RIMS2: variants seen among roughly 807,000 people sequenced by gnomAD.
RIMS2 encodes regulating synaptic membrane exocytosis 2.
RIMS2 carries 59 observed loss-of-function variants against 174.4 expected under a neutral mutation model. The ratio of observed to expected loss-of-function variants is 0.34; its 90% CI spans 0.27 to 0.42. The LOEUF is 0.42. Ranked by LOEUF, RIMS2 falls within the 10% of genes least tolerant of loss-of-function variation. RIMS2 has a pLI of 1.00. For synonymous variants in RIMS2, 606 were observed against 572.5 expected (o/e 1.06, Z -0.84); for missense variants, 1,620 against 1,666.3 (o/e 0.97, Z 0.48).
intron 19 of RIMS2, among the ~76,000 whole-genome samples, chr8:104,135,401 C>T (rs2098510128): frequency 6.6e-6 from 1 of 151,988 alleles, no homozygotes; most frequent in South Asian, 2.1e-4. Flanking sequence ...GTAGTTAAGA[C>T]CAGCCTGGGG....
chr8:103,734,117 A>G (rs931182879), intron 2 of RIMS2, among the ~76,000 whole-genome samples: 1 of 143,400 alleles, frequency 7.0e-6, no homozygotes, highest in Non-Finnish European at 1.5e-5. Flanking sequence ...GGTTCAATCA[A>G]TTCTCCTCCC....
intron 1 of RIMS2, among the ~76,000 whole-genome samples, chr8:103,581,944 C>T (rs80281796): frequency 6.6e-6 from 1 of 152,296 alleles, no homozygotes; most frequent in Non-Finnish European, 1.5e-5. Flanking sequence ...ACTGAGACAC[C>T]ACTGGTGCAG....
intron 2 of RIMS2, among the ~76,000 whole-genome samples, chr8:103,737,690 C>A (rs757372428): frequency 6.6e-6 from 1 of 152,140 alleles, no homozygotes; most frequent in Non-Finnish European, 1.5e-5. Context: ...ACCATTCTTC[C>A]CCTCAGGTAT....
At chr8:103,806,267 A>G (rs2098649267) in intron 3 of RIMS2, among the ~76,000 whole-genome samples, 1 of 152,168 alleles carries the variant, frequency 6.6e-6, no homozygotes, top group African/African-American at 2.4e-5. Context: ...GGTTATGTTT[A>G]TCTTCAAGGC....
intron 3 of RIMS2, among the ~76,000 whole-genome samples, chr8:103,870,036 T>A (rs2154512964): frequency 6.6e-6 from 1 of 152,270 alleles, no homozygotes; most frequent in African/African-American, 2.4e-5. Flanking sequence ...CTTTGGCTGA[T>A]GTTGATATTC....
intron 19 of RIMS2, among the ~76,000 whole-genome samples, chr8:104,086,967 T>C (rs1427039158): frequency 6.6e-6 from 1 of 152,134 alleles, no homozygotes; most frequent in Admixed American, 6.6e-5. Context: ...TAACTTGAAA[T>C]CAGCCATAAT....
chr8:103,555,616 A>AG (rs1019002790), intron 1 of RIMS2, among the ~76,000 whole-genome samples: 2 of 152,094 alleles, frequency 1.3e-5, no homozygotes, highest in African/African-American at 4.8e-5. Context: ...AATCAACCTA[A>AG]GGGTTCATCA....
chr8:104,073,647 CTATT>C (rs1240542388), intron 19 of RIMS2, among the ~76,000 whole-genome samples: 3 of 152,164 alleles, frequency 2.0e-5, no homozygotes, highest in African/African-American at 7.2e-5. Flanking sequence ...CTATGATAAT[CTATT>C]TAACCCATAA....
At chr8:103,951,961 C>T (rs888413592) in intron 14 of RIMS2, among the ~76,000 whole-genome samples, 2 of 152,206 alleles carry the variant, frequency 1.3e-5, no homozygotes, top group African/African-American at 4.8e-5. Context: ...GCGGTTTCGA[C>T]CTCACAGTGT....
chr8:103,524,415 C>A (rs80345488), intron 1 of RIMS2, among the ~76,000 whole-genome samples: 5,873 of 152,034 alleles, frequency 0.039, 189 homozygotes, highest in Middle Eastern at 0.13. Context: ...AAAACAAAAA[C>A]CACACTAAAT....
intron 19 of RIMS2, among the ~76,000 whole-genome samples, chr8:104,084,644 C>T (rs1390856464): frequency 1.3e-5 from 2 of 151,136 alleles, no homozygotes; most frequent in African/African-American, 4.9e-5. Context: ...GGTTTTTTTT[C>T]AAGTCAAGGT....
chr8:103,891,255 A>G (rs1166934789), intron 4 of RIMS2, among the ~76,000 whole-genome samples: 3 of 152,048 alleles, frequency 2.0e-5, no homozygotes. Flanking sequence ...TTGTTTTGTT[A>G]TAATGTAAAA....
Position 104,227,720 on chromosome 8 carries a change from A to AT in RIMS2, c.3335-17192dup, listed in dbSNP as rs150169814. Among the ~76,000 whole-genome samples, 1,509 of 152,308 alleles carry AT rather than the reference A, an allele frequency of 9.9e-3. 21 individuals are homozygous for AT. The highest frequency in any genetic ancestry group is 0.033 in the African/African-American group (1,359 of 41,564). On this transcript the variant is annotated intron_variant, in intron 19 of 23. Coordinates refer to ENST00000504942, the Ensembl canonical transcript of RIMS2. ...ATATGTGATGAATTTGGCCTGCCTG[A>AT]TTTTATGATCTGCCACCTTTGTTTC...
At chr8:103,536,905 A>G (rs1840045911) in intron 1 of RIMS2, among the ~76,000 whole-genome samples, 1 of 152,264 alleles carries the variant, frequency 6.6e-6, no homozygotes, top group Admixed American at 6.5e-5. Flanking sequence ...TAAAAATGAC[A>G]AGAACTATAA....
At chr8:104,214,853 C>T (rs2099122811) in intron 19 of RIMS2, among the ~76,000 whole-genome samples, 1 of 152,176 alleles carries the variant, frequency 6.6e-6, no homozygotes, top group Non-Finnish European at 1.5e-5. Context: ...ACCAAATATA[C>T]TAAGCTACAA....
intron 1 of RIMS2, among the ~76,000 whole-genome samples, chr8:103,615,687 A>G (rs1485675220): frequency 6.6e-6 from 1 of 152,178 alleles, no homozygotes; most frequent in Non-Finnish European, 1.5e-5. Context: ...TGATGAAAGG[A>G]ATGTTACTAC....
chr8:104,205,730 C>T (rs17819924), intron 19 of RIMS2, among the ~76,000 whole-genome samples: 30,867 of 151,718 alleles, frequency 0.2, 3,403 homozygotes, highest in Middle Eastern at 0.25. Flanking sequence ...CAGGCACACT[C>T]ATCATCGAGA....
chr8:103,715,743 C>T (rs973131655), intron 2 of RIMS2, among the ~76,000 whole-genome samples: 1 of 152,090 alleles, frequency 6.6e-6, no homozygotes, highest in East Asian at 1.9e-4. Context: ...TCAATAATAA[C>T]AACTTCAAAA....
intron 1 of RIMS2, among the ~76,000 whole-genome samples, chr8:103,681,668 C>CA (rs1170655026): frequency 6.6e-6 from 1 of 151,874 alleles, no homozygotes; most frequent in African/African-American, 2.4e-5. Context: ...AAAGAAACTG[C>CA]AAAAAAATTA....
Sources: gnomAD v4.1 joint callset for allele counts (sites outside exome capture counted in the v4.1 genomes callset) on GRCh38, gnomAD v4.1.1 for gene constraint, MANE v1.5 for transcripts, NCBI Gene and HGNC (gene_info 2026-07-23, HGNC 2026-07-21) for gene names.